The following SUGCT variants were observed in gnomAD, a reference collection of about 807,000 sequenced individuals.
The protein encoded by SUGCT is succinyl-CoA:glutarate-CoA transferase.
In SUGCT, 41 loss-of-function variants were observed where a neutral mutation model predicts 55.0. That is an observed-to-expected ratio of 0.74 (90% CI 0.58 to 0.97). The LOEUF is 0.97. Among genes scored for constraint, SUGCT ranks in the 50% least tolerant of loss-of-function variants. The probability of loss-of-function intolerance (pLI) is 0.00; values close to 1 mark genes in which losing one functional copy is unlikely to be tolerated. For missense variants in SUGCT, 568 were observed against 547.8 expected, an observed-to-expected ratio of 1.04 and a Z score of -0.37; for synonymous variants, 187 against 200.4, an observed-to-expected ratio of 0.93 and a Z score of 0.56.
the SUGCT span, among the ~76,000 whole-genome samples, chr7:40,994,406 C>CG: frequency 7.7e-6 from 1 of 130,034 alleles, no homozygotes; most frequent in Non-Finnish European, 1.8e-5. Flanking sequence ...AGTCACCCCC[C>CG]CATTTTGGAA....
At chr7:40,496,143 C>T (rs1328709898) in intron 11 of SUGCT, 141 bp from the exon 12 acceptor site, 1 of 576,936 alleles carries the variant, frequency 1.7e-6, no homozygotes, top group Non-Finnish European at 3.0e-6. Flanking sequence ...TACAGACAAC[C>T]TTCTCTCAAA....
At chr7:40,775,995 C>T (rs148195383) in intron 13 of SUGCT, among the ~76,000 whole-genome samples, 186 of 152,260 alleles carry the variant, frequency 1.2e-3, no homozygotes, top group African/African-American at 4.2e-3. Context: ...ACCTCCTGGC[C>T]ACTCACCTGA....
chr7:40,916,591 T>G, the SUGCT span, among the ~76,000 whole-genome samples: 1 of 152,188 alleles, frequency 6.6e-6, no homozygotes, highest in Non-Finnish European at 1.5e-5. Flanking sequence ...TGAATCTAGG[T>G]CTACACTTGA....
rs189217090 is a variant in SUGCT, at chr7:40,755,870, A to T, written c.1153+6373A>T. On this transcript the variant is annotated intron_variant, in intron 13 of 13. Transcript: ENST00000335693. ...ATTGCTTCTGCCTGCTGGTCCCCTG[A>T]TCTGTGTTTTTCAGAAAGCAGCTCC... Among the ~76,000 whole-genome samples the T allele has an allele frequency of 2.6e-5, 4 of 152,238 alleles. No individual in the cohort carries two copies. The East Asian group carries it at 7.7e-4, about 29-fold the overall frequency.
chr7:40,321,319 T>A (rs1160276271), intron 9 of SUGCT, among the ~76,000 whole-genome samples: 1 of 151,890 alleles, frequency 6.6e-6, no homozygotes, highest in Non-Finnish European at 1.5e-5. Flanking sequence ...TCAAGTAATC[T>A]GCCCACCTCG....
chr7:40,900,235 G>C, the SUGCT span, among the ~76,000 whole-genome samples: 5 of 152,228 alleles, frequency 3.3e-5, no homozygotes, highest in Non-Finnish European at 7.3e-5. Context: ...CCGTGGTCTT[G>C]CTGAAGCCAC....
intron 9 of SUGCT, among the ~76,000 whole-genome samples, chr7:40,324,261 A>ATATTTATT (rs1554311582): frequency 7.0e-5 from 7 of 99,970 alleles, no homozygotes; most frequent in Admixed American, 1.2e-4. Context: ...AAATATATAT[A>ATATTTATT]TATTTATTTT....
chr7:40,526,700 T>C (rs977953216), intron 12 of SUGCT, among the ~76,000 whole-genome samples: 2 of 152,200 alleles, frequency 1.3e-5, no homozygotes, highest in Non-Finnish European at 2.9e-5. Context: ...TGTCTGCACA[T>C]TCTGAACCTA....
At chr7:40,780,745 T>A (rs1789698045) in intron 13 of SUGCT, among the ~76,000 whole-genome samples, 1 of 151,392 alleles carries the variant, frequency 6.6e-6, no homozygotes, top group South Asian at 2.1e-4. Flanking sequence ...AGTGTGGGTT[T>A]TTTTTTTCTT....
the SUGCT span, among the ~76,000 whole-genome samples, chr7:40,982,474 A>C: frequency 1.3e-5 from 2 of 152,264 alleles, no homozygotes; most frequent in South Asian, 4.1e-4. Flanking sequence ...TGTCATAATG[A>C]AATACCCTGG....
At chr7:40,961,393 G>A in the SUGCT span, among the ~76,000 whole-genome samples, 1 of 152,092 alleles carries the variant, frequency 6.6e-6, no homozygotes, top group Admixed American at 6.5e-5. Context: ...TGTGACCAAA[G>A]ACTCCAGATA....
intron 9 of SUGCT, among the ~76,000 whole-genome samples, chr7:40,353,366 G>T (rs780187929): frequency 1.4e-4 from 22 of 152,112 alleles, no homozygotes; most frequent in Non-Finnish European, 2.5e-4. Context: ...TCCCATCTTG[G>T]ACCTAATGAA....
chr7:40,830,140 C>T (rs1792578327), intron 13 of SUGCT, among the ~76,000 whole-genome samples: 1 of 152,184 alleles, frequency 6.6e-6, no homozygotes, highest in South Asian at 2.1e-4. Context: ...GCCACCACCC[C>T]AGGCCCAGAG....
the SUGCT span, chr7:40,968,260 A>G: frequency 6.6e-6 from 1 of 152,248 alleles, no homozygotes; most frequent in Non-Finnish European, 1.5e-5. Flanking sequence ...TTTACAACAA[A>G]TAATTTACAA....
At chr7:40,607,254 C>A (rs1166907868) in intron 12 of SUGCT, among the ~76,000 whole-genome samples, 1 of 152,086 alleles carries the variant, frequency 6.6e-6, no homozygotes, top group Non-Finnish European at 1.5e-5. Flanking sequence ...TAGGAATGCA[C>A]CACCACACTC....
chr7:40,915,211 T>C, the SUGCT span, among the ~76,000 whole-genome samples: 9 of 152,082 alleles, frequency 5.9e-5, no homozygotes, highest in Admixed American at 1.3e-4. Flanking sequence ...TTGTTTCAAA[T>C]TGCTCTGGGC....
chr7:40,445,016 T>C (rs890323119), intron 9 of SUGCT, among the ~76,000 whole-genome samples: 6 of 152,210 alleles, frequency 3.9e-5, no homozygotes, highest in Non-Finnish European at 5.9e-5. Flanking sequence ...CTTTATGTGA[T>C]GGATTATGTT....
intron 7 of SUGCT, 102 bp downstream of exon 7, chr7:40,237,828 G>C: frequency 1.1e-6 from 1 of 877,696 alleles, no homozygotes; most frequent in Non-Finnish European, 1.7e-6. Flanking sequence ...TGTTAGGTTG[G>C]GGCAAAAGTA....
At chr7:40,636,099 C>T (rs1800010521) in intron 12 of SUGCT, among the ~76,000 whole-genome samples, 1 of 152,218 alleles carries the variant, frequency 6.6e-6, no homozygotes, top group African/African-American at 2.4e-5. Context: ...ACTACCCCTA[C>T]ATTTTGGACA....
Sources: allele counts gnomAD v4.1 joint callset (sites outside exome capture counted in the v4.1 genomes callset), GRCh38; gene constraint gnomAD v4.1.1; transcripts MANE v1.5; gene names NCBI Gene and HGNC (gene_info 2026-07-23, HGNC 2026-07-21).